The following NEBL variants were observed in gnomAD, a reference collection of about 807,000 sequenced individuals.
NEBL encodes the protein LIM and SH3 protein 2.
In NEBL, 122 loss-of-function variants were observed where a neutral mutation model predicts 140.2. The observed-to-expected ratio is 0.87, with a 90% CI of 0.75 to 1.01. The LOEUF is 1.01. Ranked by LOEUF, NEBL falls within the 50% of genes least tolerant of loss-of-function variation. The pLI, the probability that NEBL is intolerant of heterozygous loss-of-function variation, is 0.00. For synonymous variants in NEBL, 436 were observed against 398.9 expected, an observed-to-expected ratio of 1.09 and a Z score of -1.11; for missense variants, 1,365 against 1,231.3, an observed-to-expected ratio of 1.11 and a Z score of -1.62.
intron 1 of NEBL, among the ~76,000 whole-genome samples, chr10:21,252,227 C>T (rs543322796): frequency 3.8e-4 from 58 of 152,308 alleles, no homozygotes; most frequent in African/African-American, 1.4e-3. Flanking sequence ...CTCAAATATC[C>T]TATTTTGGAT....
chr10:21,109,261 T>C (rs555036232), intron 2 of NEBL, among the ~76,000 whole-genome samples: 2 of 152,296 alleles, frequency 1.3e-5, no homozygotes, highest in South Asian at 4.2e-4. Flanking sequence ...GAGAATCATG[T>C]GGTTTTTGTC....
At chr10:21,146,330 C>A in intron 2 of NEBL, 1 of 1,604,588 alleles carries the variant, frequency 6.2e-7, no homozygotes, top group Admixed American at 1.7e-5. Flanking sequence ...CTGCCCCCAA[C>A]ACATACTCTA....
intron 2 of NEBL, among the ~76,000 whole-genome samples, chr10:21,089,578 G>A (rs1326530679): frequency 2.0e-5 from 3 of 152,066 alleles, no homozygotes. Context: ...GGGAGCCACT[G>A]AATTCACTCA....
intron 3 of NEBL, among the ~76,000 whole-genome samples, chr10:21,002,690 A>G (rs1374583120): frequency 6.6e-6 from 1 of 152,132 alleles, no homozygotes; most frequent in Non-Finnish European, 1.5e-5. Context: ...GGAGTACGAA[A>G]GAGAGCGAGC....
At chr10:21,180,921 T>A (rs1034632755) in intron 3 of NEBL, among the ~76,000 whole-genome samples, 2 of 152,106 alleles carry the variant, frequency 1.3e-5, no homozygotes, top group Non-Finnish European at 2.9e-5. Context: ...AGAAAATCAT[T>A]ACCTGCAGGC....
At chr10:20,902,322 C>T (rs941005036) in intron 4 of NEBL, among the ~76,000 whole-genome samples, 30 of 152,024 alleles carry the variant, frequency 2.0e-4, no homozygotes, top group African/African-American at 6.3e-4. Flanking sequence ...AGGAGAATGG[C>T]GTGAACCTGG....
intron 3 of NEBL, among the ~76,000 whole-genome samples, chr10:21,185,487 C>CTTTTTTTTT (rs10612676): frequency 5.6e-5 from 4 of 72,050 alleles, no homozygotes; most frequent in Admixed American, 1.6e-4. Flanking sequence ...ATTTTCTTTC[C>CTTTTTTTTT]TTTTTTTTTT....
chr10:21,093,127 C>G (rs973813515), intron 2 of NEBL, among the ~76,000 whole-genome samples: 11 of 97,058 alleles, frequency 1.1e-4, no homozygotes, highest in African/African-American at 4.1e-4. Context: ...TTTAAGAGTA[C>G]TTTTATTCAT....
chr10:21,242,477 G>C (rs1261173271), intron 3 of NEBL, among the ~76,000 whole-genome samples: 3 of 152,168 alleles, frequency 2.0e-5, no homozygotes, highest in Non-Finnish European at 2.9e-5. Flanking sequence ...AGGGTGGTGG[G>C]TGAGGACTGA....
At chr10:21,115,804 C>T (rs1012937299) in intron 2 of NEBL, among the ~76,000 whole-genome samples, 11 of 151,898 alleles carry the variant, frequency 7.2e-5, no homozygotes, top group Non-Finnish European at 1.3e-4. Context: ...CTGTTCCTTC[C>T]CAATCCGCTC....
chr10:21,173,980 G>A lies in NEBL; in HGVS notation c.-147C>T. ...GGGTAGGGAGTCGGCGCCGGGCCAC[G>A]GGTGAGTGCACGGGGAGGGCGACGG... is the stretch of plus-strand genomic sequence containing the variant. On this transcript the variant is annotated 5_prime_UTR_variant, in exon 1 of 7. Transcript: ENST00000417816. The surrounding 1 kb of genome is among the most constrained non-coding windows in gnomAD (Gnocchi z 5.7). 7.5e-7 allele frequency: 1 copy of A among 1,337,284 alleles called. No individual in the cohort carries two copies. The highest frequency in any genetic ancestry group is 1.6e-5 in the African/African-American group (1 of 63,638). The allele number at this position is 1,337,284 out of a possible 1,614,324, so 82.8% of individuals were successfully genotyped here.
intron 2 of NEBL, among the ~76,000 whole-genome samples, chr10:21,161,265 C>A (rs1184268526): frequency 6.6e-6 from 1 of 152,102 alleles, no homozygotes; most frequent in East Asian, 1.9e-4. Context: ...CTCCTGACCT[C>A]AAGTGATTCT....
intron 26 of NEBL, among the ~76,000 whole-genome samples, chr10:20,805,658 G>A (rs1050771253): frequency 2.6e-5 from 4 of 152,068 alleles, no homozygotes; most frequent in African/African-American, 9.7e-5. Flanking sequence ...TTCAAGACCA[G>A]CCTGGCCAAC....
intron 16 of NEBL, 105 bp downstream of exon 16, chr10:20,831,091 C>T: frequency 1.2e-6 from 1 of 854,670 alleles, no homozygotes; most frequent in Non-Finnish European, 2.0e-6. Context: ...TACACTAGCT[C>T]TGAATGCAAT....
At chr10:20,872,699 T>C (rs940680613) in intron 5 of NEBL, among the ~76,000 whole-genome samples, 1 of 152,142 alleles carries the variant, frequency 6.6e-6, no homozygotes, top group East Asian at 1.9e-4. Flanking sequence ...ACAAAACAGC[T>C]TGCAGTAAAG....
chr10:20,826,270 G>C (rs1257965563), intron 18 of NEBL, among the ~76,000 whole-genome samples, 177 bp downstream of exon 18: 1 of 152,010 alleles, frequency 6.6e-6, no homozygotes, highest in Non-Finnish European at 1.5e-5. Context: ...AGAGTCAAGG[G>C]GAACAAGGAT....
At chr10:21,052,806 T>G (rs1412882808) in intron 2 of NEBL, among the ~76,000 whole-genome samples, 1 of 152,156 alleles carries the variant, frequency 6.6e-6, no homozygotes, top group Non-Finnish European at 1.5e-5. Flanking sequence ...GGGCCACCGG[T>G]GGTGCATACA....
intron 7 of NEBL, among the ~76,000 whole-genome samples, chr10:20,861,469 G>A (rs788989): frequency 0.85 from 129,475 of 152,166 alleles, 55,687 homozygotes; most frequent in South Asian, 0.92. Context: ...GTGAGCCACC[G>A]CGCCCAGCCA....
intron 14 of NEBL, among the ~76,000 whole-genome samples, chr10:20,833,300 G>A (rs1042936190): frequency 1.3e-5 from 2 of 152,122 alleles, no homozygotes; most frequent in Non-Finnish European, 2.9e-5. Context: ...CCAGAGATAT[G>A]GGAAGGCTTG....
Sources: allele counts gnomAD v4.1 joint callset (sites outside exome capture counted in the v4.1 genomes callset), GRCh38; gene constraint gnomAD v4.1.1; non-coding constraint Gnocchi (gnomAD v3.1); transcripts MANE v1.5; gene names NCBI Gene and HGNC (gene_info 2026-07-23, HGNC 2026-07-21).